Variants in CDC25B observed in about 807,000 individuals in gnomAD.
CDC25B encodes the protein M-phase inducer phosphatase 2.
A neutral mutation model predicts 69.8 loss-of-function variants in CDC25B; 33 were observed. The ratio of observed to expected loss-of-function variants is 0.47; its 90% CI spans 0.36 to 0.63. CDC25B has a LOEUF of 0.63. Ranked by LOEUF, CDC25B falls within the 30% of genes least tolerant of loss-of-function variation. The pLI is 0.00. For synonymous variants in CDC25B, 341 were observed against 314.6 expected (o/e 1.08, Z -0.89); for missense variants, 727 against 809.1 (o/e 0.90, Z 1.23).
intron 10 of CDC25B, 47 bp from the exon 11 acceptor site, chr20:3,802,234 G>C (rs780104840): frequency 6.4e-7 from 1 of 1,572,910 alleles, no homozygotes; most frequent in Non-Finnish European, 8.7e-7. Context: ...AGAGCACTGG[G>C]GGGCAGCCCC....
At position 3,806,077 on chromosome 20, in the gene CDC25B, A is replaced by C; in HGVS notation, c.*1116A>C. ...TGAAGGCCCTGCTGAGTCATCTGTT[A>C]GGGCCTTGGTTCAATAAAGCACTGA... On this transcript the variant is annotated 3_prime_UTR_variant, in exon 16 of 16. Transcript: ENST00000245960. 2.5e-6 allele frequency: 1 copy of C among 397,388 alleles called. No homozygotes were observed. The highest frequency in any genetic ancestry group is 3.6e-5 in the East Asian group (1 of 28,034). 24.6% of individuals were successfully genotyped at this position (397,388 alleles called of 1,614,324 possible). A position where few individuals can be genotyped will look rare whatever the true frequency, so the allele number is the denominator to read the frequency against.
chr20:3,794,707 T>G (rs11569974), upstream of CDC25B, among the ~76,000 whole-genome samples: 1 of 151,876 alleles, frequency 6.6e-6, no homozygotes, highest in Non-Finnish European at 1.5e-5. Context: ...CTGGGCAAAA[T>G]TTGGAGAAAA....
In CDC25B at chr20:3,803,691, C is replaced by G. The variant is rs1477238575; in HGVS notation, c.1490+154C>G. 6.6e-6 allele frequency among the ~76,000 whole-genome samples: 1 copy of G among 152,302 alleles called. No homozygotes were observed. The highest frequency in any genetic ancestry group is 2.1e-4 in the South Asian group (1 of 4,830). ...TAGAGCTGACCTCAGCCCCACTTCA[C>G]TGTGCATGGTACCCGCCTCCCATCT... On this transcript the variant is annotated intron_variant, in intron 14 of 15. Transcript: ENST00000245960. The surrounding 1 kb of genome is among the most constrained non-coding windows in gnomAD (Gnocchi z 4.9).
intron 11 of CDC25B, 25 bp from the exon 12 acceptor site, chr20:3,802,885 C>T: frequency 6.3e-7 from 1 of 1,598,518 alleles, no homozygotes; most frequent in East Asian, 2.2e-5. Context: ...TCTCCCCTCT[C>T]CCTCATCCCT....
chr20:3,801,364 G>A lies in CDC25B; in HGVS notation c.816G>A (p.Val272=), dbSNP rs538686944. Reference sequence around the variant, plus strand: ...ATACTGAGGAAGATGATGGATTTGTGGACATCCTAGAGAGTGACTTAAAGG... The same window carrying A: ...ATACTGAGGAAGATGATGGATTTGTAGACATCCTAGAGAGTGACTTAAAGG... The part of the protein sequence containing the change: ...EGDTEEDDGF[V]DILESDLKDD... The change falls in exon 8 of 16, where the codon GTG becomes GTA. Residue 272 remains valine, a synonymous_variant. Transcript: ENST00000245960. The A allele has an allele frequency of 1.2e-6, 2 of 1,613,544 alleles. No individual in the cohort carries two copies. The highest frequency in any genetic ancestry group is 1.1e-5 in the South Asian group (1 of 91,004).
Position 3,805,179 on chromosome 20 carries a change from G to A in CDC25B, c.*218G>A, listed in dbSNP as rs1001795050. The A allele has an allele frequency of 8.6e-6, 5 of 581,268 alleles. No homozygotes were observed. Among genetic ancestry groups the A allele is most frequent in the African/African-American group, 7.5e-5 (4 of 53,608 alleles). The allele number at this position is 581,268 out of a possible 1,614,324, so 36.0% of individuals were successfully genotyped here. A position where few individuals can be genotyped will look rare whatever the true frequency, so the allele number is the denominator to read the frequency against. ...CCCCACCCCTGGAAGAGCCCAGTCTGTTGAGTTAGTTAAGTTGGGTTAATA... is the reference window on the plus strand; with the variant it reads ...CCCCACCCCTGGAAGAGCCCAGTCTATTGAGTTAGTTAAGTTGGGTTAATA... On this transcript the variant is annotated 3_prime_UTR_variant, in exon 16 of 16. Coordinates refer to ENST00000245960, the MANE Select transcript of CDC25B (RefSeq NM_021873.4).
At chr20:3,798,315 GTT>G (rs58192077) in intron 2 of CDC25B, 95 bp from the exon 3 acceptor site, 30,561 of 367,500 alleles carry the variant, frequency 0.083, 509 homozygotes, top group African/African-American at 0.14. Context: ...ACTAGAAACT[GTT>G]TTTTTTTTTT....
At chr20:3,796,103 C>A (rs1600385010), upstream of CDC25B, 1 of 1,020,352 alleles carries the variant, frequency 9.8e-7, no homozygotes. Flanking sequence ...GGGATCCTCG[C>A]GCCAGGGGGA....
At chr20:3,786,989 G>T (rs2088836009) in exon 1 of CDC25B, 1 of 541,792 alleles carries the variant, frequency 1.8e-6, no homozygotes, top group South Asian at 2.5e-5. Flanking sequence ...GGCGGACAGC[G>T]ACTTGCTGCT....
rs200300309 is a variant in CDC25B, at chr20:3,802,981, C to T, written c.1257+9C>T. The T allele has an allele frequency of 5.6e-6, 9 of 1,612,670 alleles. No individual in the cohort carries two copies. Among genetic ancestry groups the T allele is most frequent in the Middle Eastern group, 1.6e-4 (1 of 6,080 alleles). ...ACATCTCACCAGAAACGGTAAACAG[C>T]GTTGCGTCATTTTCTAGGCAGATTT... On this transcript the variant is annotated intron_variant, in intron 12 of 15. Coordinates refer to ENST00000245960, the MANE Select transcript of CDC25B (RefSeq NM_021873.4).
chr20:3,796,418 T>TTGGGGGGGCCCCC lies in CDC25B; in HGVS notation c.-114_-113insTGGGGGGGCCCCC. ...CTGTGGCTCTTCCTCCCTCCCTCCT[T>TTGGGGGGGCCCCC]CCCCCCCCCCCCACCCCTCGCCCGC... is the stretch of plus-strand genomic sequence containing the variant. On this transcript the variant is annotated 5_prime_UTR_variant, in exon 1 of 16. Transcript: ENST00000245960. 6.6e-6 allele frequency: 1 copy of TTGGGGGGGCCCCC among 151,668 alleles called. No individual in the cohort carries two copies. The highest frequency in any genetic ancestry group is 7.7e-6 in the Non-Finnish European group (1 of 130,168). The allele number at this position is 151,668 out of a possible 1,614,324, so 9.4% of individuals were successfully genotyped here.
intron 3 of CDC25B, among the ~76,000 whole-genome samples, chr20:3,799,984 C>T (rs962175235): frequency 3.3e-5 from 5 of 152,066 alleles, no homozygotes; most frequent in Admixed American, 1.3e-4. Flanking sequence ...TGCAGGCTGG[C>T]GAGACTGTTG....
chr20:3,796,777 C>A, intron 1 of CDC25B, 46 bp downstream of exon 1: 1 of 1,520,198 alleles, frequency 6.6e-7, no homozygotes, highest in South Asian at 1.2e-5. Context: ...GAGGCTAGGT[C>A]TGGAGTCCTG....
intron 1 of CDC25B, among the ~76,000 whole-genome samples, chr20:3,790,943 C>T (rs1375133360): frequency 6.6e-6 from 1 of 151,860 alleles, no homozygotes; most frequent in African/African-American, 2.4e-5. Context: ...TGAGCTCAAG[C>T]GAGTCTTCCT....
At chr20:3,799,466 TAC>T (rs2089184427) in intron 3 of CDC25B, among the ~76,000 whole-genome samples, 1 of 151,428 alleles carries the variant, frequency 6.6e-6, no homozygotes, top group East Asian at 1.9e-4. Flanking sequence ...CTGACAGTTA[TAC>T]AGAGTTTCTC....
At chr20:3,787,479 T>C (rs1439145135) in intron 1 of CDC25B, among the ~76,000 whole-genome samples, 7 of 152,206 alleles carry the variant, frequency 4.6e-5, no homozygotes, top group African/African-American at 1.4e-4. Flanking sequence ...CCACAACCCA[T>C]AGATAAACAC....
chr20:3,796,561 A>G lies in CDC25B; in HGVS notation c.30A>G (p.Pro10=). 2 of 1,476,836 alleles carry G rather than the reference A, an allele frequency of 1.4e-6. No homozygotes were observed. Among genetic ancestry groups the G allele is most frequent in the African/African-American group, 1.5e-5 (1 of 67,786 alleles). 91.5% of individuals were successfully genotyped at this position (1,476,836 alleles called of 1,614,324 possible). The change falls in exon 1 of 16, where the codon CCA becomes CCG. Residue 10 remains proline, a synonymous_variant. Coordinates refer to ENST00000245960, the MANE Select transcript of CDC25B (RefSeq NM_021873.4). MEVPQPEPA[P]GSALSPAGVC... ...AGGTGCCCCAGCCGGAGCCCGCGCC[A>G]GGCTCGGCTCTCAGTCCAGCAGGCG...
Position 3,802,033 on chromosome 20 carries a change from C to T in CDC25B, c.1031C>T (p.Thr344Met), listed in dbSNP as rs369403610. 31 of 1,583,730 alleles carry T rather than the reference C, an allele frequency of 2.0e-5. No individual in the cohort carries two copies. Among genetic ancestry groups the T allele is most frequent in the African/African-American group, 5.4e-5 (4 of 74,124 alleles). The change falls in exon 10 of 16, where the codon ACG becomes ATG. Residue 344 changes from threonine to methionine, a missense_variant. Coordinates refer to ENST00000245960, the MANE Select transcript of CDC25B (RefSeq NM_021873.4). ...KRLERPQDRD[T>M]PVQNKRRRSV... ...CTGGAGCGGCCCCAGGACAGGGACA[C>T]GCCCGTGCAGAATAAGCGGAGGCGG...
In CDC25B at chr20:3,805,104, C is replaced by T. The variant is rs757847047; in HGVS notation, c.*143C>T. 5 of 814,480 alleles carry T rather than the reference C, an allele frequency of 6.1e-6. No homozygotes were observed. Among genetic ancestry groups the T allele is most frequent in the East Asian group, 2.7e-5 (1 of 37,194 alleles). The allele number at this position is 814,480 out of a possible 1,614,324, so 50.5% of individuals were successfully genotyped here. A position where few individuals can be genotyped will look rare whatever the true frequency, so the allele number is the denominator to read the frequency against. On this transcript the variant is annotated 3_prime_UTR_variant, in exon 16 of 16. Transcript: ENST00000245960. ...GGTGTGGGTGTCCTGCCTGTCTGCC[C>T]CAGCCCAGATTCCCCTGTGTCATCC...
Sources: allele counts gnomAD v4.1 joint callset (sites outside exome capture counted in the v4.1 genomes callset), GRCh38; gene constraint gnomAD v4.1.1; non-coding constraint Gnocchi (gnomAD v3.1); transcripts MANE v1.5; gene names NCBI Gene and HGNC (gene_info 2026-07-23, HGNC 2026-07-21).